Variants in ABCC4 observed in about 807,000 individuals in gnomAD.
ABCC4 encodes ATP binding cassette subfamily C member 4 (PEL blood group).
ABCC4 carries 102 observed loss-of-function variants against 168.5 expected under a neutral mutation model. That is an observed-to-expected ratio of 0.61 (90% confidence interval 0.52 to 0.71). The LOEUF (loss-of-function observed/expected upper bound fraction) is 0.71. Ranked by LOEUF, ABCC4 falls within the 30% of genes least tolerant of loss-of-function variation. ABCC4 has a pLI of 0.00. For missense variants in ABCC4, 1,402 were observed against 1,605.8 expected (o/e 0.87, Z 2.17); for synonymous variants, 617 against 590.7 (o/e 1.04, Z -0.65).
chr13:95,269,414 A>G, intron 1 of ABCC4: 1 of 282,332 alleles, frequency 3.5e-6, no homozygotes, highest in Non-Finnish European at 6.8e-6. Context: ...TGACACAGCG[A>G]GACTCCATCT....
intron 29 of ABCC4, 115 bp from the exon 30 acceptor site, chr13:95,034,854 G>A (rs2032052350): frequency 7.0e-7 from 1 of 1,433,070 alleles, no homozygotes; most frequent in South Asian, 1.2e-5. Context: ...TTGGGTGGTA[G>A]GCCTGGATAG....
At chr13:95,296,684 C>A (rs1462289599) in intron 1 of ABCC4, among the ~76,000 whole-genome samples, 3 of 152,154 alleles carry the variant, frequency 2.0e-5, no homozygotes, top group Non-Finnish European at 4.4e-5. Flanking sequence ...CTGCTGCTGA[C>A]CCCAGATCAC....
chr13:95,024,208 A>AAAC (rs1555301366), intron 30 of ABCC4, among the ~76,000 whole-genome samples: 42,596 of 123,076 alleles, frequency 0.35, 6,199 homozygotes, highest in South Asian at 0.46. Flanking sequence ...GACTGTCTCA[A>AAAC]AAAAAAAAAA....
At chr13:95,291,904 C>G (rs2138953941) in intron 1 of ABCC4, among the ~76,000 whole-genome samples, 1 of 152,096 alleles carries the variant, frequency 6.6e-6, no homozygotes, top group Non-Finnish European at 1.5e-5. Flanking sequence ...CAAGATCATA[C>G]CACTGCACGC....
At chr13:95,051,732 T>C (rs757684314) in intron 27 of ABCC4, among the ~76,000 whole-genome samples, 3 of 152,092 alleles carry the variant, frequency 2.0e-5, no homozygotes, top group Non-Finnish European at 4.4e-5. Flanking sequence ...AGTGGCACAA[T>C]GTTGGCTCAC....
intron 4 of ABCC4, among the ~76,000 whole-genome samples, chr13:95,221,249 G>T (rs9590204): frequency 0.11 from 16,878 of 151,866 alleles, 1,346 homozygotes; most frequent in African/African-American, 0.22. Flanking sequence ...ATTTTTTTGA[G>T]ACAGGGTCTC....
intron 1 of ABCC4, among the ~76,000 whole-genome samples, chr13:95,255,514 A>C (rs563987684): frequency 1.3e-5 from 2 of 152,326 alleles, no homozygotes; most frequent in Admixed American, 1.3e-4. Flanking sequence ...CACCCACACC[A>C]CAGGTGTTCT....
intron 1 of ABCC4, among the ~76,000 whole-genome samples, chr13:95,288,895 A>G (rs1186971131): frequency 6.6e-6 from 1 of 152,244 alleles, no homozygotes; most frequent in Admixed American, 6.5e-5. Context: ...ATTATGTTTT[A>G]TAGTTGAACA....
At chr13:95,228,291 T>TA (rs2039525274) in intron 4 of ABCC4, among the ~76,000 whole-genome samples, 2 of 152,118 alleles carry the variant, frequency 1.3e-5, no homozygotes. Context: ...TTATTTTTTT[T>TA]ACTTCAGGTT....
chr13:95,138,238 A>G (rs1001475420), intron 19 of ABCC4, among the ~76,000 whole-genome samples: 3 of 152,218 alleles, frequency 2.0e-5, no homozygotes, highest in African/African-American at 7.2e-5. Flanking sequence ...TTATAAGAAA[A>G]TAAACCCAGG....
rs767944183 is a variant in ABCC4, at chr13:95,301,286, G to C, written c.29C>G (p.Pro10Arg). The change falls in exon 1 of 31, where the codon CCC (proline) becomes CGC (arginine). Residue 10 changes from proline (P) to arginine (R), a missense_variant. Coordinates refer to ENST00000645237, the MANE Select transcript of ABCC4 (RefSeq NM_005845.5). The part of the protein sequence containing the change: MLPVYQEVK[P>R]NPLQDANLCS... ...GAGGTTCGCGTCCTGCAGCGGGTTG[G>C]GCTTCACCTCCTGGTACACGGGCAG... 14 of 1,596,140 alleles carry C rather than the reference G, an allele frequency of 8.8e-6. No homozygotes were observed. In the Admixed American group the frequency reaches 1.0e-4, roughly 12 times the overall value.
At chr13:95,197,569 CA>C (rs2038493873) in intron 8 of ABCC4, among the ~76,000 whole-genome samples, 1 of 152,152 alleles carries the variant, frequency 6.6e-6, no homozygotes, top group Non-Finnish European at 1.5e-5. Context: ...TTTCTCTAGT[CA>C]CTCAGGAGGG....
chr13:95,086,595 TATC>T lies in ABCC4; in HGVS notation c.2536-3308_2536-3306del, dbSNP rs980167335. 5.1e-4 allele frequency among the ~76,000 whole-genome samples: 78 copies of T among 152,370 alleles called. 1 individual carries two copies. Among genetic ancestry groups the T allele is most frequent in the African/African-American group, 1.8e-3 (76 of 41,598 alleles). On this transcript the variant is annotated intron_variant, in intron 20 of 30. Coordinates refer to ENST00000645237, the MANE Select transcript of ABCC4 (RefSeq NM_005845.5). The stretch of plus-strand genomic sequence containing the variant: ...TTTGAGTCCTGGAGAAATTTTTAGG[TATC>T]TATCCACTATTTACTTTAAACTTCA...
chr13:95,154,030 A>C (rs919429408), intron 19 of ABCC4, among the ~76,000 whole-genome samples: 17 of 152,152 alleles, frequency 1.1e-4, no homozygotes, highest in Non-Finnish European at 5.9e-5. Context: ...ACAGGATTTA[A>C]TTACCACACC....
At chr13:95,105,238 C>A (rs531367792) in intron 20 of ABCC4, among the ~76,000 whole-genome samples, 3 of 151,998 alleles carry the variant, frequency 2.0e-5, no homozygotes, top group Admixed American at 1.3e-4. Context: ...ATGCCGCCGA[C>A]GATCTGACAG....
At chr13:95,153,473 G>A (rs901031131) in intron 19 of ABCC4, among the ~76,000 whole-genome samples, 1 of 151,834 alleles carries the variant, frequency 6.6e-6, no homozygotes, top group African/African-American at 2.4e-5. Flanking sequence ...GAGAGAGACA[G>A]AGAGAGAGAG....
intron 27 of ABCC4, among the ~76,000 whole-genome samples, chr13:95,045,687 A>G (rs1416702792): frequency 6.6e-6 from 1 of 152,178 alleles, no homozygotes; most frequent in Non-Finnish European, 1.5e-5. Flanking sequence ...ATTTTATAGA[A>G]CAAGAGCCAA....
At chr13:95,029,063 G>A (rs2031682296) in intron 30 of ABCC4, among the ~76,000 whole-genome samples, 1 of 151,596 alleles carries the variant, frequency 6.6e-6, no homozygotes. Context: ...AGCTACTCAG[G>A]AGGCTGAGGC....
chr13:95,110,840 C>T (rs1404036106), intron 20 of ABCC4, among the ~76,000 whole-genome samples: 1 of 151,640 alleles, frequency 6.6e-6, no homozygotes, highest in African/African-American at 2.4e-5. Flanking sequence ...TGGTGGTGCA[C>T]ACTTGTAGTC....
Sources: gnomAD v4.1 joint callset for allele counts (sites outside exome capture counted in the v4.1 genomes callset) on GRCh38, gnomAD v4.1.1 for gene constraint, MANE v1.5 for transcripts, NCBI Gene and HGNC (gene_info 2026-07-23, HGNC 2026-07-21) for gene names.